DTL: variants seen among roughly 807,000 people sequenced by gnomAD.
DTL encodes the protein denticleless E3 ubiquitin protein ligase adapter.
In DTL, 46 loss-of-function variants were observed where a neutral mutation model predicts 87.0. The ratio of observed to expected loss-of-function variants is 0.53; its 90% confidence interval spans 0.42 to 0.68. The LOEUF is 0.68. DTL is among the 30% of genes least tolerant of loss of function. The pLI is 0.00. For synonymous variants in DTL, 308 were observed against 311.2 expected, an observed-to-expected ratio of 0.99 and a Z score of 0.11; for missense variants, 737 against 869.4, an observed-to-expected ratio of 0.85 and a Z score of 1.91.
intron 10 of DTL, among the ~76,000 whole-genome samples, chr1:212,070,012 G>C (rs1654624648): frequency 6.6e-6 from 1 of 152,170 alleles, no homozygotes; most frequent in South Asian, 2.1e-4. Context: ...AAAGGGAAGA[G>C]GTGTTTCTTT....
chr1:212,081,414 A>G (rs73089290), intron 13 of DTL, among the ~76,000 whole-genome samples: 2,575 of 152,350 alleles, frequency 0.017, 69 homozygotes, highest in African/African-American at 0.058. Context: ...AGGGAATAGT[A>G]GTAGAAAATG....
chr1:212,039,922 G>A (rs1474846797), intron 1 of DTL, among the ~76,000 whole-genome samples: 1 of 152,200 alleles, frequency 6.6e-6, no homozygotes, highest in African/African-American at 2.4e-5. Context: ...TAGTCAGTCA[G>A]CACGAAGACC....
intron 13 of DTL, among the ~76,000 whole-genome samples, chr1:212,082,639 G>A (rs145390284): frequency 1.3e-4 from 20 of 152,294 alleles, no homozygotes; most frequent in African/African-American, 4.6e-4. Context: ...ACTGAGAGAT[G>A]GTGGGGAGAG....
intron 5 of DTL, among the ~76,000 whole-genome samples, chr1:212,050,265 G>A (rs141073888): frequency 1.4e-4 from 21 of 152,260 alleles, no homozygotes; most frequent in African/African-American, 4.8e-4. Context: ...AGGTAGTATG[G>A]TAGAAAACAT....
Position 212,056,588 on chromosome 1 carries a change from G to A in DTL, c.461-6296G>A, listed in dbSNP as rs946150709. Among the ~76,000 whole-genome samples, 3 of 151,998 alleles carry A rather than the reference G, an allele frequency of 2.0e-5. No homozygotes were observed. The South Asian group carries it at 6.2e-4, about 32-fold the overall frequency. On this transcript the variant is annotated intron_variant, in intron 5 of 14. Transcript: ENST00000366991. Reference sequence around the variant, plus strand: ...CATAAAAACACAGAGAAATCAAAAAGCAAGGATATGTGACACATCCAAAGG... The same window carrying A: ...CATAAAAACACAGAGAAATCAAAAAACAAGGATATGTGACACATCCAAAGG...
In DTL at chr1:212,072,899, G is replaced by T. The variant is rs569479588; in HGVS notation, c.1035+686G>T. On this transcript the variant is annotated intron_variant, in intron 11 of 14. Coordinates refer to ENST00000366991, the MANE Select transcript of DTL (RefSeq NM_016448.4). ...CTGCCTCAGCCTCCCGAATAACTGG[G>T]ACTACAGGTGCCTGCCACCACGCCC... is the stretch of plus-strand genomic sequence containing the variant. Among the ~76,000 whole-genome samples, 4 of 151,954 alleles carry T rather than the reference G, an allele frequency of 2.6e-5. No individual in the cohort carries two copies. In the South Asian group the frequency reaches 6.2e-4, roughly 24 times the overall value.
intron 11 of DTL, among the ~76,000 whole-genome samples, chr1:212,072,738 T>C (rs1169946268): frequency 6.6e-6 from 1 of 151,198 alleles, no homozygotes; most frequent in African/African-American, 2.4e-5. Flanking sequence ...TTTTTATATA[T>C]TTAATAGCAT....
intron 13 of DTL, among the ~76,000 whole-genome samples, chr1:212,083,394 C>T (rs1655040920): frequency 6.6e-6 from 1 of 151,974 alleles, no homozygotes; most frequent in Non-Finnish European, 1.5e-5. Flanking sequence ...CACAGCCAAA[C>T]CATATCAGGA....
At chr1:212,094,614 A>G (rs1266240913) in intron 13 of DTL, among the ~76,000 whole-genome samples, 2 of 152,030 alleles carry the variant, frequency 1.3e-5, no homozygotes, top group Non-Finnish European at 2.9e-5. Flanking sequence ...GACTTTTCAG[A>G]TTGTTTTTTC....
intron 13 of DTL, among the ~76,000 whole-genome samples, chr1:212,094,553 C>A (rs1655387531): frequency 6.6e-6 from 1 of 152,112 alleles, no homozygotes; most frequent in Non-Finnish European, 1.5e-5. Flanking sequence ...CAGATTTGTT[C>A]TTTTTGCTTA....
rs543516424 is a variant in DTL, at chr1:212,058,641, A to G, written c.461-4243A>G. On this transcript the variant is annotated intron_variant, in intron 5 of 14. Transcript: ENST00000366991. ...CTAACAATGTACCTCAAGGAACTAG[A>G]AAAGCAAGAACAAACCAAACCCCAA... 3.3e-5 allele frequency among the ~76,000 whole-genome samples: 5 copies of G among 152,142 alleles called. No individual in the cohort carries two copies. In the East Asian group the frequency reaches 9.6e-4, roughly 29 times the overall value.
intron 13 of DTL, among the ~76,000 whole-genome samples, chr1:212,089,044 C>A (rs1273430648): frequency 6.6e-6 from 1 of 152,184 alleles, no homozygotes; most frequent in East Asian, 1.9e-4. Flanking sequence ...CGAGATCATG[C>A]CACTGCACTC....
intron 1 of DTL, among the ~76,000 whole-genome samples, chr1:212,041,158 T>C (rs1325077158): frequency 6.6e-6 from 1 of 152,060 alleles, no homozygotes; most frequent in African/African-American, 2.4e-5. Flanking sequence ...AAAAGTAGCT[T>C]AGGGTGGTTC....
intron 5 of DTL, among the ~76,000 whole-genome samples, chr1:212,057,017 A>C (rs1220624449): frequency 6.6e-6 from 1 of 152,162 alleles, no homozygotes; most frequent in East Asian, 1.9e-4. Context: ...AAAGTGGCCA[A>C]ATATATGAAT....
intron 2 of DTL, 45 bp from the exon 3 acceptor site, chr1:212,044,615 A>T: frequency 7.7e-7 from 1 of 1,301,444 alleles, no homozygotes; most frequent in Non-Finnish European, 1.1e-6. Flanking sequence ...AAAAAAAAAA[A>T]AAATTGTGTT....
intron 1 of DTL, among the ~76,000 whole-genome samples, chr1:212,036,962 A>C (rs1171786334): frequency 6.6e-6 from 1 of 152,252 alleles, no homozygotes; most frequent in Non-Finnish European, 1.5e-5. Context: ...TCCTGCTAGC[A>C]GTCTGAAACT....
chr1:212,102,315 A>G (rs540829325), intron 14 of DTL, among the ~76,000 whole-genome samples: 3 of 152,224 alleles, frequency 2.0e-5, no homozygotes, highest in Admixed American at 1.3e-4. Context: ...GGTCTCAGCT[A>G]TGTGTTAGCA....
rs778676443 is a variant in DTL, at chr1:212,078,180, C to G, written c.1043C>G (p.Thr348Arg). ...DEAAYIWKVSTPWQPPTVLLG... is the reference protein window; with the variant it reads ...DEAAYIWKVSRPWQPPTVLLG... ...TGTTTTTGATTGGACTAGGTCTCCA[C>G]ACCCTGGCAACCTCCTACTGTGCTC... Residue 348 changes from threonine (T) to arginine (R), a missense_variant, in exon 12 of 15, where the codon ACA (threonine) becomes AGA (arginine). Thr to Arg is a moderately conservative substitution (Grantham distance 71). Coordinates refer to ENST00000366991, the MANE Select transcript of DTL (RefSeq NM_016448.4). The G allele has an allele frequency of 6.2e-7, 1 of 1,605,814 alleles. No homozygotes were observed. The highest frequency in any genetic ancestry group is 1.7e-5 in the Admixed American group (1 of 59,934).
chr1:212,090,646 G>A (rs998745585), intron 13 of DTL, among the ~76,000 whole-genome samples: 5 of 152,168 alleles, frequency 3.3e-5, no homozygotes, highest in Non-Finnish European at 4.4e-5. Context: ...TAAACAAAGG[G>A]ACAGGTACAC....
Sources: gnomAD v4.1 joint callset for allele counts (sites outside exome capture counted in the v4.1 genomes callset) on GRCh38, gnomAD v4.1.1 for gene constraint, MANE v1.5 for transcripts, NCBI Gene and HGNC (gene_info 2026-07-23, HGNC 2026-07-21) for gene names.